UTRN: variants seen among roughly 807,000 people sequenced by gnomAD.
UTRN encodes dystrophin-related protein 1.
In UTRN, 283 loss-of-function variants were observed where a neutral mutation model predicts 463.9. The observed-to-expected ratio is 0.61, with a 90% confidence interval of 0.55 to 0.67. UTRN has a LOEUF of 0.67. Among genes scored for constraint, UTRN ranks in the 30% least tolerant of loss-of-function variants. The pLI, the probability that UTRN is intolerant of heterozygous loss-of-function variation, is 0.00. For synonymous variants in UTRN, 1,442 were observed against 1,431.5 expected (o/e 1.01, Z -0.17); for missense variants, 3,922 against 4,084.3 (o/e 0.96, Z 1.08).
chr6:144,488,276 GAA>G (rs983380991), intron 29 of UTRN, among the ~76,000 whole-genome samples: 1 of 151,888 alleles, frequency 6.6e-6, no homozygotes, highest in African/African-American at 2.4e-5. Context: ...TTAGGCTTTG[GAA>G]AAAAAGAGAC....
rs1338028178 is a variant in UTRN, at chr6:144,308,392, G to C, written c.79+16485G>C. On this transcript the variant is annotated intron_variant, in intron 2 of 74. Transcript: ENST00000367545. Reference sequence around the variant, plus strand: ...GCTCACTGCAACCTCCGCCTCCTGGGCTCCAGCAATCCTCCCACCCTCGGG... The same window carrying C: ...GCTCACTGCAACCTCCGCCTCCTGGCCTCCAGCAATCCTCCCACCCTCGGG... Among the ~76,000 whole-genome samples the C allele has an allele frequency of 3.3e-5, 5 of 152,076 alleles. No homozygotes were observed. The South Asian group carries it at 6.2e-4, about 19-fold the overall frequency.
chr6:144,528,555 A>T (rs1308799287), intron 41 of UTRN, among the ~76,000 whole-genome samples: 1 of 152,068 alleles, frequency 6.6e-6, no homozygotes, highest in African/African-American at 2.4e-5. Flanking sequence ...TGCAGTGATT[A>T]TTATTTATCT....
At chr6:144,435,674 G>C (rs1786467473) in intron 9 of UTRN, among the ~76,000 whole-genome samples, 1 of 152,130 alleles carries the variant, frequency 6.6e-6, no homozygotes, top group Admixed American at 6.5e-5. Context: ...TGATTCATGT[G>C]GGTTCTCTGT....
In UTRN at chr6:144,353,161, C is replaced by A. The variant is rs149539308; in HGVS notation, c.80-49962C>A. Among the ~76,000 whole-genome samples the A allele has an allele frequency of 8.3e-3, 1,259 of 152,150 alleles. 69 individuals carry two copies. In the East Asian group the frequency reaches 0.16, roughly 20 times the overall value. On this transcript the variant is annotated intron_variant, in intron 2 of 74. Transcript: ENST00000367545. ...TAAGAGTCTCGCTCTGTTGCCCAGGCTGGAGTGCAGTGGTGCGATCTCAGC... is the reference window on the plus strand; with the variant it reads ...TAAGAGTCTCGCTCTGTTGCCCAGGATGGAGTGCAGTGGTGCGATCTCAGC...
chr6:144,421,543 G>C (rs1435826836), intron 3 of UTRN, among the ~76,000 whole-genome samples: 1 of 151,748 alleles, frequency 6.6e-6, no homozygotes, highest in African/African-American at 2.4e-5. Flanking sequence ...TAAAAAATTA[G>C]CTGGGCGTGG....
intron 19 of UTRN, among the ~76,000 whole-genome samples, chr6:144,454,507 G>A (rs879870054): frequency 2.0e-5 from 3 of 152,048 alleles, no homozygotes; most frequent in Non-Finnish European, 2.9e-5. Flanking sequence ...CTCCATGTAC[G>A]TTGGTCTAAT....
chr6:144,424,784 C>T (rs1016242711), intron 6 of UTRN, among the ~76,000 whole-genome samples: 1 of 152,178 alleles, frequency 6.6e-6, no homozygotes, highest in African/African-American at 2.4e-5. Context: ...TACTCTCTCT[C>T]AGTCTGCCTA....
At chr6:144,806,053 A>G (rs1352906550) in intron 65 of UTRN, among the ~76,000 whole-genome samples, 1 of 152,232 alleles carries the variant, frequency 6.6e-6, no homozygotes, top group Non-Finnish European at 1.5e-5. Flanking sequence ...TCAAAATATC[A>G]TAAAGTAAAT....
Position 144,285,761 on chromosome 6 carries a change from C to T in UTRN, c.-153C>T, listed in dbSNP as rs1029375322. The T allele has an allele frequency of 2.6e-5, 4 of 152,356 alleles. No individual in the cohort carries two copies. The highest frequency in any genetic ancestry group is 9.7e-5 in the African/African-American group (4 of 41,388). The allele number at this position is 152,356 out of a possible 1,614,324, so 9.4% of individuals were successfully genotyped here. On this transcript the variant is annotated 5_prime_UTR_variant, in exon 1 of 75. Transcript: ENST00000367545. Reference sequence around the variant, plus strand: ...CTCCGTGTCAAACTCCTAGAGGAGCCCTTGGCCAGCTCGGGGTGCGGCGGT... The same window carrying T: ...CTCCGTGTCAAACTCCTAGAGGAGCTCTTGGCCAGCTCGGGGTGCGGCGGT...
intron 23 of UTRN, among the ~76,000 whole-genome samples, chr6:144,465,810 T>C (rs932619192): frequency 7.2e-5 from 11 of 152,206 alleles, no homozygotes; most frequent in East Asian, 1.9e-4. Context: ...AGGCATTTAA[T>C]TATTTTTGTC....
intron 73 of UTRN, among the ~76,000 whole-genome samples, chr6:144,843,250 A>G (rs1478653381): frequency 1.3e-5 from 2 of 152,098 alleles, no homozygotes; most frequent in East Asian, 3.9e-4. Flanking sequence ...AGTGACAGCC[A>G]GGATGGGAAA....
chr6:144,411,217 A>T (rs905996112), intron 3 of UTRN, among the ~76,000 whole-genome samples: 4 of 152,090 alleles, frequency 2.6e-5, no homozygotes, highest in Non-Finnish European at 5.9e-5. Flanking sequence ...CCTCGCCAAC[A>T]TCTATTGGTT....
At chr6:144,339,942 C>G (rs1163676940) in intron 2 of UTRN, among the ~76,000 whole-genome samples, 1 of 152,162 alleles carries the variant, frequency 6.6e-6, no homozygotes, top group Non-Finnish European at 1.5e-5. Context: ...CCAAGGTGGA[C>G]AGATCGCTTG....
intron 65 of UTRN, among the ~76,000 whole-genome samples, chr6:144,816,392 G>A (rs1779079410): frequency 6.6e-6 from 1 of 152,136 alleles, no homozygotes. Flanking sequence ...ATAATGGAGA[G>A]GGGAAGAAAG....
At chr6:144,408,820 A>G (rs1048453413) in intron 3 of UTRN, among the ~76,000 whole-genome samples, 2 of 152,238 alleles carry the variant, frequency 1.3e-5, no homozygotes, top group African/African-American at 4.8e-5. Flanking sequence ...AGATTTGTAC[A>G]GGAGGTGCAA....
intron 9 of UTRN, among the ~76,000 whole-genome samples, chr6:144,434,550 A>G (rs780783431): frequency 6.6e-6 from 1 of 152,134 alleles, no homozygotes; most frequent in Non-Finnish European, 1.5e-5. Context: ...TTGAATATGG[A>G]CATGGTTTAA....
At chr6:144,536,738 A>G (rs906393952) in intron 43 of UTRN, among the ~76,000 whole-genome samples, 6 of 152,102 alleles carry the variant, frequency 3.9e-5, no homozygotes, top group Admixed American at 6.5e-5. Context: ...TATAGCAGCT[A>G]TAAAAATAAA....
rs539342891 is a variant in UTRN, at chr6:144,811,005, C to T, written c.9357+7858C>T. On this transcript the variant is annotated intron_variant, in intron 65 of 74. Transcript: ENST00000367545. The stretch of plus-strand genomic sequence containing the variant: ...ATTGATTAATATGTAGGGAAATAAA[C>T]CAAAATTACATGTTTTCCATGAGAA... Among the ~76,000 whole-genome samples, 3 of 152,132 alleles carry T rather than the reference C, an allele frequency of 2.0e-5. No individual in the cohort carries two copies. The East Asian group carries it at 5.8e-4, about 29-fold the overall frequency.
intron 2 of UTRN, among the ~76,000 whole-genome samples, chr6:144,389,174 A>G (rs969307385): frequency 2.6e-5 from 4 of 152,156 alleles, no homozygotes; most frequent in African/African-American, 9.7e-5. Flanking sequence ...CGAAGTGGGG[A>G]CGGGGCTTCC....
Sources: gnomAD v4.1 joint callset for allele counts (sites outside exome capture counted in the v4.1 genomes callset) on GRCh38, gnomAD v4.1.1 for gene constraint, MANE v1.5 for transcripts, NCBI Gene and HGNC (gene_info 2026-07-23, HGNC 2026-07-21) for gene names.